The following METTL14 variants were observed in gnomAD, a reference collection of about 807,000 sequenced individuals.
METTL14 encodes the protein N(6)-adenosine-methyltransferase non-catalytic subunit METTL14.
METTL14 carries 32 observed loss-of-function variants against 62.4 expected under a neutral mutation model. The observed-to-expected ratio is 0.51, with a 90% CI of 0.39 to 0.69. The LOEUF is 0.69. Ranked by LOEUF, METTL14 falls within the 30% of genes least tolerant of loss-of-function variation. METTL14 has a pLI of 0.00. For synonymous variants in METTL14, 150 were observed against 180.0 expected (o/e 0.83, Z 1.34); for missense variants, 340 against 551.9 (o/e 0.62, Z 3.85).
At chr4:118,686,820 C>G (rs1724079072) in intron 1 of METTL14, 3 of 314,620 alleles carry the variant, frequency 9.5e-6, no homozygotes, top group South Asian at 8.2e-5. Flanking sequence ...TTACACTCAG[C>G]AGATGCCAGG....
At chr4:118,687,789 T>TG in intron 1 of METTL14, 134 bp from the exon 2 acceptor site, 2 of 578,310 alleles carry the variant, frequency 3.5e-6, no homozygotes, top group Non-Finnish European at 6.0e-6. Flanking sequence ...ATTCATTGTT[T>TG]TGTGTGTGTG....
Position 118,714,951 on chromosome 4 carries a change from AAG to A in METTL14, c.*4652_*4653del, listed in dbSNP as rs1725011303. The A allele has an allele frequency of 6.6e-6, 1 of 152,258 alleles. No homozygotes were observed. Among genetic ancestry groups the A allele is most frequent in the Non-Finnish European group, 1.5e-5 (1 of 68,050 alleles). 9.4% of individuals were successfully genotyped at this position (152,258 alleles called of 1,614,324 possible). A position where few individuals can be genotyped will look rare whatever the true frequency, so the allele number is the denominator to read the frequency against. ...ACTGTGTGACCACATTTACTTAAAA[AAG>A]AGGAAAAAAGGTTACTTGCTTGAGA... On this transcript the variant is annotated 3_prime_UTR_variant, in exon 11 of 11. Coordinates refer to ENST00000388822, the MANE Select transcript of METTL14 (RefSeq NM_020961.4).
intron 8 of METTL14, among the ~76,000 whole-genome samples, chr4:118,702,550 C>T (rs987164531): frequency 6.6e-6 from 1 of 152,012 alleles, no homozygotes; most frequent in Non-Finnish European, 1.5e-5. Context: ...CAGAGGCGGG[C>T]AGATCACTTG....
intron 6 of METTL14, among the ~76,000 whole-genome samples, chr4:118,696,224 A>C (rs1263895566): frequency 6.6e-6 from 1 of 151,480 alleles, no homozygotes; most frequent in Non-Finnish European, 1.5e-5. Flanking sequence ...TCTAATATTC[A>C]TCGTATTTTA....
At chr4:118,688,478 A>G (rs945022170) in intron 2 of METTL14, among the ~76,000 whole-genome samples, 1 of 151,930 alleles carries the variant, frequency 6.6e-6, no homozygotes, top group African/African-American at 2.4e-5. Flanking sequence ...TTACTGTTTT[A>G]ATAAATAACC....
At chr4:118,697,452 A>G (rs904058936) in intron 7 of METTL14, 129 bp downstream of exon 7, 2 of 804,136 alleles carry the variant, frequency 2.5e-6, no homozygotes, top group Admixed American at 7.0e-5. Context: ...TTTATAGTGT[A>G]AATTATAGCT....
chr4:118,693,775 GACTCTGCTGTCTTGAA>G (rs1388558485), intron 5 of METTL14, among the ~76,000 whole-genome samples: 1 of 152,124 alleles, frequency 6.6e-6, no homozygotes, highest in Non-Finnish European at 1.5e-5. Context: ...ATTAGAAGCT[GACTCTGCTGTCTTGAA>G]ATTTGACTAT....
At chr4:118,698,384 C>T (rs138904562) in intron 7 of METTL14, among the ~76,000 whole-genome samples, 34 of 139,284 alleles carry the variant, frequency 2.4e-4, no homozygotes, top group African/African-American at 8.5e-4. Flanking sequence ...ACCCGGGAAG[C>T]GGAGGTTGCA....
intron 7 of METTL14, among the ~76,000 whole-genome samples, chr4:118,699,168 CTT>C (rs2110404681): frequency 6.6e-6 from 1 of 152,260 alleles, no homozygotes; most frequent in South Asian, 2.1e-4. Flanking sequence ...GGATTAGAAT[CTT>C]TGCATGTCCC....
At chr4:118,706,976 A>G (rs1037490832) in intron 10 of METTL14, among the ~76,000 whole-genome samples, 1 of 152,006 alleles carries the variant, frequency 6.6e-6, no homozygotes, top group Non-Finnish European at 1.5e-5. Context: ...ATTTTGGAGA[A>G]TAGTACTTTA....
In METTL14 at chr4:118,705,784, C is replaced by T. The variant is rs1024946388; in HGVS notation, c.1029C>T (p.Arg343=). The T allele has an allele frequency of 4.3e-6, 7 of 1,613,834 alleles. No individual in the cohort carries two copies. In the African/African-American group the frequency reaches 6.7e-5, roughly 15 times the overall value. Residue 343 remains arginine, a synonymous_variant, in exon 10 of 11, where the codon CGC becomes CGT. Transcript: ENST00000388822. ...AGCATTTTTGTCTTGGTAGAAGACG[C>T]CTTCATCTATTTGGAAGAGATAGTA... ...IIEHFCLGRR[R]LHLFGRDSTI...
intron 7 of METTL14, among the ~76,000 whole-genome samples, chr4:118,697,910 G>A (rs10017885): frequency 0.029 from 4,463 of 152,010 alleles, 217 homozygotes; most frequent in African/African-American, 0.1. Flanking sequence ...CAAGAAAGAT[G>A]TGGGACGGCG....
chr4:118,702,348 A>G (rs1390296705), intron 8 of METTL14, among the ~76,000 whole-genome samples: 1 of 152,170 alleles, frequency 6.6e-6, no homozygotes, highest in East Asian at 1.9e-4. Flanking sequence ...TCAGCATGAG[A>G]AATACTCATG....
In METTL14 at chr4:118,705,777, G is replaced by A; in HGVS notation, c.1022G>A (p.Arg341Lys). Residue 341 changes from arginine to lysine, a missense_variant, in exon 10 of 11, where the codon AGA (arginine) becomes AAA (lysine). Coordinates refer to ENST00000388822, the MANE Select transcript of METTL14 (RefSeq NM_020961.4). The part of the protein sequence containing the change: ...FHIIEHFCLG[R>K]RRLHLFGRDS... ...ATAATTGAGCATTTTTGTCTTGGTA[G>A]AAGACGCCTTCATCTATTTGGAAGA... The A allele has an allele frequency of 6.2e-7, 1 of 1,614,070 alleles. No individual in the cohort carries two copies. Among genetic ancestry groups the A allele is most frequent in the South Asian group, 1.1e-5 (1 of 91,076 alleles).
At chr4:118,708,430 C>A (rs1208655318) in intron 10 of METTL14, among the ~76,000 whole-genome samples, 1 of 152,064 alleles carries the variant, frequency 6.6e-6, no homozygotes, top group Non-Finnish European at 1.5e-5. Context: ...TAGAAGGCAG[C>A]AAATAAAAAT....
At chr4:118,691,650 A>G in intron 4 of METTL14, 38 bp downstream of exon 4, 1 of 1,059,236 alleles carries the variant, frequency 9.4e-7, no homozygotes, top group South Asian at 1.6e-5. Context: ...AACTCTTCAT[A>G]TTTAAGTTCT....
intron 9 of METTL14, among the ~76,000 whole-genome samples, chr4:118,705,084 G>GA (rs1158957696): frequency 6.6e-6 from 1 of 152,216 alleles, no homozygotes; most frequent in Admixed American, 6.5e-5. Context: ...TGAAAATACT[G>GA]AGTGTTGTGA....
At chr4:118,694,850 G>A (rs1266646340) in intron 6 of METTL14, among the ~76,000 whole-genome samples, 1 of 151,928 alleles carries the variant, frequency 6.6e-6, no homozygotes, top group Non-Finnish European at 1.5e-5. Flanking sequence ...GCTAGAGTGT[G>A]GAGTGTAGTG....
Position 118,712,785 on chromosome 4 carries a change from CTGT to C in METTL14, c.*2488_*2490del, listed in dbSNP as rs1724961539. ...TATAATTCATGGTATTCCAAACCAACTGTTGTTATTTATTTCCAGTGAGAACCA... is the reference window on the plus strand; with the variant it reads ...TATAATTCATGGTATTCCAAACCAACTGTTATTTATTTCCAGTGAGAACCA... On this transcript the variant is annotated 3_prime_UTR_variant, in exon 11 of 11. Transcript: ENST00000388822. 6.6e-6 allele frequency: 1 copy of C among 152,146 alleles called. No homozygotes were observed. Among genetic ancestry groups the C allele is most frequent in the Non-Finnish European group, 1.5e-5 (1 of 68,038 alleles). 9.4% of individuals were successfully genotyped at this position (152,146 alleles called of 1,614,324 possible).
Sources: gnomAD v4.1 joint callset for allele counts (sites outside exome capture counted in the v4.1 genomes callset) on GRCh38, gnomAD v4.1.1 for gene constraint, MANE v1.5 for transcripts, NCBI Gene and HGNC (gene_info 2026-07-23, HGNC 2026-07-21) for gene names.